Variants in FOXK1 observed in about 807,000 individuals in gnomAD.
The protein encoded by FOXK1 is forkhead box K1.
In FOXK1, 19 loss-of-function variants were observed where a neutral mutation model predicts 51.9. The ratio of observed to expected loss-of-function variants is 0.37; its 90% CI spans 0.26 to 0.54. The LOEUF (loss-of-function observed/expected upper bound fraction) is 0.54, where lower values mean the gene tolerates loss of function less well. FOXK1 is among the 20% of genes least tolerant of loss of function. FOXK1 has a pLI of 0.87. For missense variants in FOXK1, 870 were observed against 1,032.7 expected (o/e 0.84, Z 2.16); for synonymous variants, 537 against 482.6 (o/e 1.11, Z -1.48).
At chr7:4,725,903 T>G (rs1434538056) in intron 1 of FOXK1, among the ~76,000 whole-genome samples, 1 of 152,138 alleles carries the variant, frequency 6.6e-6, no homozygotes, top group Non-Finnish European at 1.5e-5. Context: ...TTGGGCCTGG[T>G]GGGATTCCCC....
At position 4,770,549 on chromosome 7, in the gene FOXK1, A is replaced by G. The variant is rs1035823534; in HGVS notation, c.*8085A>G. On this transcript the variant is annotated 3_prime_UTR_variant, in exon 9 of 9. Transcript: ENST00000328914. ...CTGTCTCAAAAATAATAATCAAATC[A>G]AGTATTTTAAGTTTGGCTCTTCTTT... 6.6e-6 allele frequency: 1 copy of G among 151,336 alleles called. No homozygotes were observed. Among genetic ancestry groups the G allele is most frequent in the African/African-American group, 2.4e-5 (1 of 40,840 alleles). 9.4% of individuals were successfully genotyped at this position (151,336 alleles called of 1,614,324 possible).
At position 4,761,312 on chromosome 7, in the gene FOXK1, A is replaced by C; in HGVS notation, c.1921+24A>C. On this transcript the variant is annotated intron_variant, in intron 8 of 8. Transcript: ENST00000328914. This position sits in a 1 kb window ranked among gnomAD's most constrained non-coding sequence, Gnocchi z 6.2. The stretch of plus-strand genomic sequence containing the variant: ...CGGTGAGGCCCTGGCCCTGTTCTCC[A>C]TGCCACATCCCAAGCTCTGTGGCTC... The C allele has an allele frequency of 2.5e-6, 4 of 1,599,750 alleles. No individual in the cohort carries two copies. Among genetic ancestry groups the C allele is most frequent in the Non-Finnish European group, 3.4e-6 (4 of 1,173,374 alleles).
rs555700334 is a variant in FOXK1, at chr7:4,761,275, C to A, written c.1908C>A (p.Ala636=). The A allele has an allele frequency of 1.2e-6, 2 of 1,612,416 alleles. No individual in the cohort carries two copies. The highest frequency in any genetic ancestry group is 2.2e-5 in the East Asian group (1 of 44,878). The change falls in exon 8 of 9, where the codon GCC becomes GCA. Residue 636 remains alanine, a synonymous_variant. Coordinates refer to ENST00000328914, the MANE Select transcript of FOXK1 (RefSeq NM_001037165.2). This position sits in a 1 kb window ranked among gnomAD's most constrained non-coding sequence, Gnocchi z 6.2. ...ATGCGGTTCCCACGAACAGTTTAGC[C>A]GGCAACGCTTACGGTGAGGCCCTGG... is the stretch of plus-strand genomic sequence containing the variant. ...GKHAVPTNSL[A]GNAYALTSPL... is the part of the protein sequence containing the mutation.
In FOXK1 at chr7:4,707,712, T is replaced by C. The variant is rs567570014; in HGVS notation, c.560+24844T>C. Among the ~76,000 whole-genome samples the C allele has an allele frequency of 6.6e-6, 1 of 150,920 alleles. No homozygotes were observed. Among genetic ancestry groups the C allele is most frequent in the African/African-American group, 2.5e-5 (1 of 40,682 alleles). On this transcript the variant is annotated intron_variant, in intron 1 of 8. Transcript: ENST00000328914. The surrounding 1 kb of genome is among the most constrained non-coding windows in gnomAD (Gnocchi z 4.1). ...CACTTTTTTTTTTTTTGAGACGGAC[T>C]CTCTCTCCGTTGCCCAGGCTGGAGT...
At position 4,759,137 on chromosome 7, in the gene FOXK1, G is replaced by T. The variant is rs1780895133; in HGVS notation, c.1331G>T (p.Gly444Val). Reference protein sequence around the residue: ...LQTPECLSREGSPIPHDPEFG... With the variant: ...LQTPECLSREVSPIPHDPEFG... ...ACCCCAGAGTGCCTGTCTCGGGAGG[G>T]CTCCCCCATTCCACACGACCCTGAG... Residue 444 changes from glycine to valine, a missense_variant, in exon 6 of 9, where the codon GGC (glycine) becomes GTC (valine). Around this residue, in one of 3 missense-constraint regions of FOXK1, gnomAD observed 457 missense variants for 510.8 expected, o/e 0.89. Transcript: ENST00000328914. The T allele has an allele frequency of 2.5e-6, 4 of 1,612,392 alleles. No homozygotes were observed. Among genetic ancestry groups the T allele is most frequent in the South Asian group, 1.1e-5 (1 of 91,086 alleles).
At chr7:4,716,118 G>T (rs1780229689) in intron 1 of FOXK1, among the ~76,000 whole-genome samples, 2 of 152,090 alleles carry the variant, frequency 1.3e-5, no homozygotes, top group Non-Finnish European at 2.9e-5. Context: ...CTACCTGGGA[G>T]GCTGAGGCAG....
chr7:4,719,307 A>G (rs1367276966), intron 1 of FOXK1, among the ~76,000 whole-genome samples: 1 of 151,646 alleles, frequency 6.6e-6, no homozygotes, highest in Non-Finnish European at 1.5e-5. Flanking sequence ...GCTAATTTTA[A>G]AAAAAGATTC....
In FOXK1 at chr7:4,765,319, AG is replaced by A. The variant is rs1325756410; in HGVS notation, c.*2856del. On this transcript the variant is annotated 3_prime_UTR_variant, in exon 9 of 9. Transcript: ENST00000328914. ...AAAGGGTTGCATGTCCCGGCCACAA[AG>A]CCCTCCCTGTGTGCCCTGAGCCAGC... 1 of 152,312 alleles carries A rather than the reference AG, an allele frequency of 6.6e-6. No individual in the cohort carries two copies. The highest frequency in any genetic ancestry group is 1.5e-5 in the Non-Finnish European group (1 of 68,086). The allele number at this position is 152,312 out of a possible 1,614,324, so 9.4% of individuals were successfully genotyped here.
intron 2 of FOXK1, among the ~76,000 whole-genome samples, chr7:4,741,934 G>A (rs1000193786): frequency 4.6e-5 from 7 of 152,210 alleles, no homozygotes; most frequent in Non-Finnish European, 1.0e-4. Context: ...GTCATACAGG[G>A]ATGCAAAAAC....
At position 4,741,030 on chromosome 7, in the gene FOXK1, A is replaced by G. The variant is rs377249910; in HGVS notation, c.746+7A>G. The G allele has an allele frequency of 2.9e-5, 43 of 1,499,114 alleles. No homozygotes were observed. The African/African-American group carries it at 4.9e-4, about 17-fold the overall frequency. 92.9% of individuals were successfully genotyped at this position (1,499,114 alleles called of 1,614,324 possible). ...CCCCGACGGGCACCATCAGGTGAGT[A>G]GCCCCCCAGCCTGCCCTTGGGCCCC... On this transcript the variant is annotated splice_region_variant and intron_variant, in intron 2 of 8. Transcript: ENST00000328914.
rs1481633511 is a variant in FOXK1 at position 4,753,497 on chromosome 7, G to A, written c.747-962G>A. ...ATCCTACCCGCCACGGGGGCTCTAAGTCAGCTGAGAGGGGGGATGTCAGCA... is the reference window on the plus strand; with the variant it reads ...ATCCTACCCGCCACGGGGGCTCTAAATCAGCTGAGAGGGGGGATGTCAGCA... On this transcript the variant is annotated intron_variant, in intron 2 of 8. Transcript: ENST00000328914. This position sits in a 1 kb window ranked among gnomAD's most constrained non-coding sequence, Gnocchi z 4.9. Among the ~76,000 whole-genome samples, 1 of 152,128 alleles carries A rather than the reference G, an allele frequency of 6.6e-6. No homozygotes were observed. Among genetic ancestry groups the A allele is most frequent in the Non-Finnish European group, 1.5e-5 (1 of 68,016 alleles).
Position 4,755,489 on chromosome 7 carries a change from C to A in FOXK1, c.1050+106C>A, listed in dbSNP as rs76575846. The A allele has an allele frequency of 1.2e-3, 1,708 of 1,459,626 alleles. 16 individuals carry two copies. In the African/African-American group the frequency reaches 0.021, roughly 18 times the overall value. The allele number at this position is 1,459,626 out of a possible 1,614,324, so 90.4% of individuals were successfully genotyped here. On this transcript the variant is annotated intron_variant, in intron 4 of 8. Transcript: ENST00000328914. This position sits in a 1 kb window ranked among gnomAD's most constrained non-coding sequence, Gnocchi z 6.6. ...ACAGAAGAGGGCCAGTGAGGGGGCT[C>A]ACGCCTGGAACCCTAGCATTTTGTG...
chr7:4,768,375 G>C lies in FOXK1; in HGVS notation c.*5911G>C, dbSNP rs531090712. The C allele has an allele frequency of 6.6e-6, 1 of 151,198 alleles. No homozygotes were observed. Among genetic ancestry groups the C allele is most frequent in the East Asian group, 1.9e-4 (1 of 5,154 alleles). The allele number at this position is 151,198 out of a possible 1,614,324, so 9.4% of individuals were successfully genotyped here. On this transcript the variant is annotated 3_prime_UTR_variant, in exon 9 of 9. Transcript: ENST00000328914. ...TCTCGATCTCCTGACCTCGTGATCC[G>C]CCCGCCTCGGCCTCCCAAAGTGCTG...
At chr7:4,738,947 C>G (rs1780593522) in intron 1 of FOXK1, among the ~76,000 whole-genome samples, 1 of 151,140 alleles carries the variant, frequency 6.6e-6, no homozygotes, top group Non-Finnish European at 1.5e-5. Flanking sequence ...AAGCGGGTCC[C>G]TGGGAAGAAG....
chr7:4,712,705 C>T (rs972829212), intron 1 of FOXK1, among the ~76,000 whole-genome samples: 4 of 152,164 alleles, frequency 2.6e-5, no homozygotes, highest in Admixed American at 2.0e-4. Context: ...GATCCTCTTA[C>T]CTCGCTCATC....
At chr7:4,701,065 C>G (rs1780014690) in intron 1 of FOXK1, among the ~76,000 whole-genome samples, 1 of 152,204 alleles carries the variant, frequency 6.6e-6, no homozygotes, top group Non-Finnish European at 1.5e-5. Flanking sequence ...CCAGCCTGTT[C>G]CAGCAGGGGC....
intron 1 of FOXK1, among the ~76,000 whole-genome samples, chr7:4,738,272 A>T (rs1193815807): frequency 6.6e-6 from 1 of 151,006 alleles, no homozygotes; most frequent in African/African-American, 2.4e-5. Flanking sequence ...CCCCATCTCT[A>T]CTAAAAATAC....
chr7:4,733,096 C>T lies in FOXK1; in HGVS notation c.561-7742C>T, dbSNP rs28569903. ...GGGCTTTTCACCCTCTTCCTGGATT[C>T]TTTCAGTTAGGACGTAGTTTTGATT... is the stretch of plus-strand genomic sequence containing the variant. On this transcript the variant is annotated intron_variant, in intron 1 of 8. Coordinates refer to ENST00000328914, the MANE Select transcript of FOXK1 (RefSeq NM_001037165.2). This position sits in a 1 kb window ranked among gnomAD's most constrained non-coding sequence, Gnocchi z 5.0. 6.6e-6 allele frequency among the ~76,000 whole-genome samples: 1 copy of T among 152,232 alleles called. No individual in the cohort carries two copies. Among genetic ancestry groups the T allele is most frequent in the South Asian group, 2.1e-4 (1 of 4,830 alleles).
intron 1 of FOXK1, among the ~76,000 whole-genome samples, chr7:4,693,940 G>A (rs1779922534): frequency 6.6e-6 from 1 of 152,114 alleles, no homozygotes; most frequent in Non-Finnish European, 1.5e-5. Flanking sequence ...GAGTACAGTG[G>A]CATGATCACA....
Sources: allele counts gnomAD v4.1 joint callset (sites outside exome capture counted in the v4.1 genomes callset), GRCh38; gene constraint gnomAD v4.1.1; regional missense constraint gnomAD v4.1.1; non-coding constraint Gnocchi (gnomAD v3.1); transcripts MANE v1.5; gene names NCBI Gene and HGNC (gene_info 2026-07-23, HGNC 2026-07-21).